MECOM: variants seen among roughly 807,000 people sequenced by gnomAD.
The protein encoded by MECOM is histone-lysine N-methyltransferase MECOM.
A neutral mutation model predicts 116.3 loss-of-function variants in MECOM; 13 were observed. That is an observed-to-expected ratio of 0.11 (90% CI 0.07 to 0.18). MECOM has a LOEUF of 0.18. Among genes scored for constraint, MECOM ranks in the 10% least tolerant of loss-of-function variants. MECOM has a pLI of 1.00. For missense variants in MECOM, 1,299 were observed against 1,509.0 expected (o/e 0.86, Z 2.31); for synonymous variants, 528 against 535.2 (o/e 0.99, Z 0.19).
At chr3:169,494,230 G>A (rs925657795) in intron 1 of MECOM, among the ~76,000 whole-genome samples, 1 of 152,008 alleles carries the variant, frequency 6.6e-6, no homozygotes, top group African/African-American at 2.4e-5. Context: ...TTTAAGTGAT[G>A]TTGCTCTTGT....
At chr3:169,498,066 TA>T (rs1426774466) in intron 1 of MECOM, among the ~76,000 whole-genome samples, 2 of 152,242 alleles carry the variant, frequency 1.3e-5, no homozygotes, top group Non-Finnish European at 2.9e-5. Flanking sequence ...CTGTTCTCTC[TA>T]TTGATTCTTC....
rs904956206 is a variant in MECOM, at chr3:169,282,958, C to T, written c.375+98229G>A. Among the ~76,000 whole-genome samples the T allele has an allele frequency of 3.3e-4, 50 of 151,676 alleles. 1 individual carries two copies. The highest frequency in any genetic ancestry group is 8.8e-5 in the Non-Finnish European group (6 of 67,956). On this transcript the variant is annotated intron_variant, in intron 2 of 16. Coordinates refer to ENST00000651503, the MANE Select transcript of MECOM (RefSeq NM_004991.4). ...ACCCACTTGAGAGATCCCTTTTTTACGGTAATTTCTATGAGAAACTTTTTT... is the reference window on the plus strand; with the variant it reads ...ACCCACTTGAGAGATCCCTTTTTTATGGTAATTTCTATGAGAAACTTTTTT...
At chr3:169,582,732 T>G (rs2109550548) in intron 1 of MECOM, among the ~76,000 whole-genome samples, 1 of 152,322 alleles carries the variant, frequency 6.6e-6, no homozygotes. Flanking sequence ...TTAGCAAAAC[T>G]TCTGAAATTA....
intron 2 of MECOM, among the ~76,000 whole-genome samples, chr3:169,369,809 T>C (rs530550278): frequency 3.3e-5 from 5 of 152,226 alleles, no homozygotes; most frequent in South Asian, 4.1e-4. Context: ...AAACTATATT[T>C]ACTATTTTAA....
intron 1 of MECOM, among the ~76,000 whole-genome samples, chr3:169,424,702 T>C (rs1343019434): frequency 6.6e-6 from 1 of 152,096 alleles, no homozygotes. Context: ...TTAGAAACCC[T>C]TCCCTGAGTG....
chr3:169,585,248 A>G (rs1385288338), intron 1 of MECOM, among the ~76,000 whole-genome samples: 2 of 152,180 alleles, frequency 1.3e-5, no homozygotes, highest in East Asian at 3.9e-4. Context: ...CTATTATCCC[A>G]GAGATTGATG....
At chr3:169,463,224 A>G (rs1240054218) in intron 1 of MECOM, among the ~76,000 whole-genome samples, 4 of 152,172 alleles carry the variant, frequency 2.6e-5, no homozygotes, top group African/African-American at 9.7e-5. Flanking sequence ...CCCCACTGGG[A>G]AATGGAAGGA....
At chr3:169,177,813 G>T (rs1266820202) in intron 2 of MECOM, among the ~76,000 whole-genome samples, 1 of 151,886 alleles carries the variant, frequency 6.6e-6, no homozygotes, top group East Asian at 1.9e-4. Context: ...AGCTACTTGG[G>T]GAGCTGAGGC....
chr3:169,331,636 G>T (rs575105567), intron 2 of MECOM, among the ~76,000 whole-genome samples: 2 of 152,190 alleles, frequency 1.3e-5, no homozygotes, highest in South Asian at 2.1e-4. Context: ...ATCATTTATT[G>T]TAAGTCCCAC....
At chr3:169,517,465 A>G (rs552990192) in intron 1 of MECOM, among the ~76,000 whole-genome samples, 139 of 152,346 alleles carry the variant, frequency 9.1e-4, no homozygotes, top group African/African-American at 3.2e-3. Context: ...TTAGACTATA[A>G]GGGGAAAAAA....
intron 1 of MECOM, among the ~76,000 whole-genome samples, chr3:169,561,922 G>A (rs1762678757): frequency 6.6e-6 from 1 of 151,926 alleles, no homozygotes; most frequent in African/African-American, 2.4e-5. Context: ...TAAGAGGGCA[G>A]ATCACTTGAG....
intron 2 of MECOM, among the ~76,000 whole-genome samples, chr3:169,288,160 A>G (rs1396564768): frequency 6.6e-6 from 1 of 152,104 alleles, no homozygotes; most frequent in Non-Finnish European, 1.5e-5. Context: ...AAAAAACAGA[A>G]AATTCTGCTT....
At chr3:169,241,249 T>C (rs1754768731) in intron 2 of MECOM, among the ~76,000 whole-genome samples, 1 of 151,940 alleles carries the variant, frequency 6.6e-6, no homozygotes, top group African/African-American at 2.4e-5. Flanking sequence ...AATTTGTGAT[T>C]CAGGAAAAGA....
At chr3:169,651,496 G>T (rs748150685) in intron 1 of MECOM, among the ~76,000 whole-genome samples, 8 of 152,172 alleles carry the variant, frequency 5.3e-5, no homozygotes, top group Non-Finnish European at 1.0e-4. Context: ...CATTTGCAGC[G>T]ACCTGGATGA....
chr3:169,189,655 C>T (rs1351164358), intron 2 of MECOM, among the ~76,000 whole-genome samples: 1 of 152,034 alleles, frequency 6.6e-6, no homozygotes, highest in Non-Finnish European at 1.5e-5. Flanking sequence ...TCTCCAGTCA[C>T]ATTGTTTATA....
chr3:169,498,957 C>T (rs1303386244), intron 1 of MECOM, among the ~76,000 whole-genome samples: 1 of 151,932 alleles, frequency 6.6e-6, no homozygotes, highest in Non-Finnish European at 1.5e-5. Context: ...AAATTCAACA[C>T]ATGGTCTAAA....
intron 1 of MECOM, among the ~76,000 whole-genome samples, chr3:169,523,809 T>TTA (rs1265295456): frequency 2.0e-5 from 3 of 151,722 alleles, no homozygotes; most frequent in Non-Finnish European, 4.4e-5. Context: ...ATACCTTCTA[T>TTA]TATATATATA....
chr3:169,559,934 A>G (rs1268180901), intron 1 of MECOM, among the ~76,000 whole-genome samples: 1 of 152,228 alleles, frequency 6.6e-6, no homozygotes, highest in Non-Finnish European at 1.5e-5. Context: ...GATGTATTAC[A>G]TATTTTCAAA....
At chr3:169,233,238 G>A (rs1753640324) in intron 2 of MECOM, among the ~76,000 whole-genome samples, 1 of 152,116 alleles carries the variant, frequency 6.6e-6, no homozygotes, top group South Asian at 2.1e-4. Flanking sequence ...CAACACCAGA[G>A]AATACAGAAC....
Sources: gnomAD v4.1 joint callset for allele counts (sites outside exome capture counted in the v4.1 genomes callset) on GRCh38, gnomAD v4.1.1 for gene constraint, MANE v1.5 for transcripts, NCBI Gene and HGNC (gene_info 2026-07-23, HGNC 2026-07-21) for gene names.